Variants in SPSB4 observed in about 807,000 individuals in gnomAD.
SPSB4 encodes SPRY domain-containing SOCS box protein 4.
SPSB4 carries 21 observed loss-of-function variants against 20.9 expected under a neutral mutation model. The ratio of observed to expected loss-of-function variants is 1.01; its 90% CI spans 0.71 to 1.45. The LOEUF (loss-of-function observed/expected upper bound fraction) is 1.45. SPSB4 is among the 40% of genes most tolerant of loss of function. The pLI is 0.00. For synonymous variants in SPSB4, 207 were observed against 183.8 expected, an observed-to-expected ratio of 1.13 and a Z score of -1.02; for missense variants, 399 against 399.2, an observed-to-expected ratio of 1.00 and a Z score of 0.00.
intron 2 of SPSB4, among the ~76,000 whole-genome samples, chr3:141,108,026 C>T (rs892821931): frequency 5.3e-5 from 8 of 151,962 alleles, no homozygotes; most frequent in African/African-American, 1.9e-4. Context: ...CCTGCTTGGG[C>T]TAATGTTTAA....
Position 141,073,736 on chromosome 3 carries a change from A to G in SPSB4, c.694+6938A>G, listed in dbSNP as rs536713433. Among the ~76,000 whole-genome samples, 9 of 152,056 alleles carry G rather than the reference A, an allele frequency of 5.9e-5. No individual in the cohort carries two copies. The East Asian group carries it at 1.7e-3, about 29-fold the overall frequency. ...CTTTTCTTTCCTCTGCCACAGGGGG[A>G]CTTGAGTCACAGTTGGCTGGAGCAG... On this transcript the variant is annotated intron_variant, in intron 2 of 2. Coordinates refer to ENST00000310546, the MANE Select transcript of SPSB4 (RefSeq NM_080862.3).
intron 2 of SPSB4, among the ~76,000 whole-genome samples, chr3:141,088,469 G>A (rs1938392006): frequency 6.6e-6 from 1 of 152,180 alleles, no homozygotes; most frequent in Non-Finnish European, 1.5e-5. Context: ...GACTCTTGGG[G>A]TGCCCCCACC....
chr3:141,057,174 C>T (rs1937665128), intron 1 of SPSB4, among the ~76,000 whole-genome samples: 1 of 152,182 alleles, frequency 6.6e-6, no homozygotes, highest in African/African-American at 2.4e-5. Context: ...AGCCTGAGCT[C>T]CATGTGTGTA....
At chr3:141,122,694 T>G (rs1409684402) in intron 2 of SPSB4, among the ~76,000 whole-genome samples, 1 of 152,166 alleles carries the variant, frequency 6.6e-6, no homozygotes, top group Admixed American at 6.5e-5. Context: ...CAGGTCAATC[T>G]CAGACTGCTA....
Position 141,066,103 on chromosome 3 carries a change from G to T in SPSB4, c.-2G>T, listed in dbSNP as rs1469153899. On this transcript the variant is annotated 5_prime_UTR_variant, in exon 2 of 3. Transcript: ENST00000310546. Reference sequence around the variant, plus strand: ...GCAGCGGCCTCCTCCCCGCAGTGAAGCATGGGCCAGAAGCTCTCGGGGAGC... The same window carrying T: ...GCAGCGGCCTCCTCCCCGCAGTGAATCATGGGCCAGAAGCTCTCGGGGAGC... The T allele has an allele frequency of 6.6e-7, 1 of 1,519,016 alleles. No individual in the cohort carries two copies. The highest frequency in any genetic ancestry group is 8.8e-7 in the Non-Finnish European group (1 of 1,138,848). 94.1% of individuals were successfully genotyped at this position (1,519,016 alleles called of 1,614,324 possible).
chr3:141,094,738 C>T (rs999835663), intron 2 of SPSB4, among the ~76,000 whole-genome samples: 1 of 151,996 alleles, frequency 6.6e-6, no homozygotes, highest in Non-Finnish European at 1.5e-5. Context: ...TATTTCTTGG[C>T]CTGAAGGTTC....
rs568002969 is a variant in SPSB4, at chr3:141,057,047, G to A, written c.-154+5055G>A. Among the ~76,000 whole-genome samples the A allele has an allele frequency of 4.6e-5, 7 of 152,358 alleles. No homozygotes were observed. The South Asian group carries it at 1.4e-3, about 32-fold the overall frequency. On this transcript the variant is annotated intron_variant, in intron 1 of 2. Transcript: ENST00000310546. Reference sequence around the variant, plus strand: ...AACCCCAGGAGGAGGAGAGGCTCAGGGAAGCCTCATTGATTCTCGCTCCAG... The same window carrying A: ...AACCCCAGGAGGAGGAGAGGCTCAGAGAAGCCTCATTGATTCTCGCTCCAG...
intron 2 of SPSB4, among the ~76,000 whole-genome samples, chr3:141,093,337 A>G (rs901561793): frequency 1.3e-5 from 2 of 151,786 alleles, no homozygotes; most frequent in African/African-American, 2.4e-5. Flanking sequence ...CATATTGTCA[A>G]TCTTCCCAGG....
At chr3:141,108,690 A>G (rs750015852) in intron 2 of SPSB4, among the ~76,000 whole-genome samples, 11 of 152,262 alleles carry the variant, frequency 7.2e-5, no homozygotes, top group Non-Finnish European at 1.2e-4. Flanking sequence ...TGAGATGAGC[A>G]TTAATAAAGG....
chr3:141,101,191 C>A (rs907811711), intron 2 of SPSB4, among the ~76,000 whole-genome samples: 2 of 152,202 alleles, frequency 1.3e-5, no homozygotes, highest in Admixed American at 6.5e-5. Context: ...GCTTAGAGCC[C>A]AACTCTTGTC....
chr3:141,104,000 C>T (rs985672628), intron 2 of SPSB4, among the ~76,000 whole-genome samples: 1 of 152,208 alleles, frequency 6.6e-6, no homozygotes, highest in African/African-American at 2.4e-5. Context: ...GACAAATTCA[C>T]TCATGTTGAG....
intron 1 of SPSB4, among the ~76,000 whole-genome samples, chr3:141,054,526 A>G (rs540560103): frequency 6.6e-6 from 1 of 152,330 alleles, no homozygotes; most frequent in African/African-American, 2.4e-5. Flanking sequence ...TATAGGAAAA[A>G]CAGTTGTGGG....
At chr3:141,119,819 T>G (rs1559853019) in intron 2 of SPSB4, among the ~76,000 whole-genome samples, 1 of 152,204 alleles carries the variant, frequency 6.6e-6, no homozygotes, top group Non-Finnish European at 1.5e-5. Context: ...TTTATTAGTT[T>G]TGCTAGCAGT....
chr3:141,094,424 C>T lies in SPSB4; in HGVS notation c.694+27626C>T, dbSNP rs147983655. 3.6e-3 allele frequency among the ~76,000 whole-genome samples: 551 copies of T among 152,260 alleles called. 5 individuals carry two copies. Among genetic ancestry groups the T allele is most frequent in the African/African-American group, 0.012 (513 of 41,554 alleles). On this transcript the variant is annotated intron_variant, in intron 2 of 2. Coordinates refer to ENST00000310546, the MANE Select transcript of SPSB4 (RefSeq NM_080862.3). Reference sequence around the variant, plus strand: ...TGCTCCTGCCCTCTCCAGGTGACCACGGGGAGATGAGGCAGTTCCTTATCT... The same window carrying T: ...TGCTCCTGCCCTCTCCAGGTGACCATGGGGAGATGAGGCAGTTCCTTATCT...
chr3:141,069,233 A>C (rs1364117743), intron 2 of SPSB4, among the ~76,000 whole-genome samples: 1 of 152,168 alleles, frequency 6.6e-6, no homozygotes, highest in Non-Finnish European at 1.5e-5. Context: ...TGAAAGGCCT[A>C]TTCATGGCCA....
intron 2 of SPSB4, among the ~76,000 whole-genome samples, chr3:141,094,050 T>C (rs1938507056): frequency 6.6e-6 from 1 of 152,126 alleles, no homozygotes; most frequent in African/African-American, 2.4e-5. Flanking sequence ...CCTGGCCAGG[T>C]TCCCTGTAGT....
intron 2 of SPSB4, among the ~76,000 whole-genome samples, chr3:141,079,878 G>A (rs1938194473): frequency 6.6e-6 from 1 of 151,676 alleles, no homozygotes; most frequent in Non-Finnish European, 1.5e-5. Flanking sequence ...CGAGTCAGTG[G>A]GGACCAACAG....
intron 2 of SPSB4, among the ~76,000 whole-genome samples, chr3:141,146,682 G>A (rs1173518423): frequency 6.6e-6 from 1 of 151,846 alleles, no homozygotes; most frequent in Non-Finnish European, 1.5e-5. Flanking sequence ...GCTGAGGCAG[G>A]AGAATGGCGT....
chr3:141,066,816 G>T lies in SPSB4; in HGVS notation c.694+18G>T, dbSNP rs554196290. On this transcript the variant is annotated intron_variant, in intron 2 of 2. Transcript: ENST00000310546. ...CCTTGACCGTAAGTTGTGCTGGGCT[G>T]GGGGGCAGGGCTTTCAGAGGCTGCC... 7.9e-6 allele frequency: 12 copies of T among 1,510,444 alleles called. No individual in the cohort carries two copies. The South Asian group carries it at 1.1e-4, about 14-fold the overall frequency. 93.6% of individuals were successfully genotyped at this position (1,510,444 alleles called of 1,614,324 possible). A position where few individuals can be genotyped will look rare whatever the true frequency, so the allele number is the denominator to read the frequency against.
Sources: gnomAD v4.1 joint callset for allele counts (sites outside exome capture counted in the v4.1 genomes callset) on GRCh38, gnomAD v4.1.1 for gene constraint, MANE v1.5 for transcripts, NCBI Gene and HGNC (gene_info 2026-07-23, HGNC 2026-07-21) for gene names.